The following GRAMD1C variants were observed in gnomAD, a reference collection of about 807,000 sequenced individuals.
GRAMD1C encodes protein Aster-C.
GRAMD1C carries 89 observed loss-of-function variants against 97.8 expected under a neutral mutation model. That is an observed-to-expected ratio of 0.91 (90% CI 0.77 to 1.09). The LOEUF is 1.09. GRAMD1C is among the 50% of genes least tolerant of loss of function. The pLI is 0.00. For missense variants in GRAMD1C, 740 were observed against 766.4 expected, an observed-to-expected ratio of 0.97 and a Z score of 0.41; for synonymous variants, 256 against 267.0, an observed-to-expected ratio of 0.96 and a Z score of 0.40.
chr3:113,893,131 C>T (rs1220801627), intron 6 of GRAMD1C, among the ~76,000 whole-genome samples: 1 of 152,080 alleles, frequency 6.6e-6, no homozygotes, highest in Non-Finnish European at 1.5e-5. Flanking sequence ...GACCATATGG[C>T]CCAAAAAGCC....
Position 113,946,508 on chromosome 3 carries a change from G to C in GRAMD1C, c.*1030G>C, listed in dbSNP as rs1938089413. On this transcript the variant is annotated 3_prime_UTR_variant, in exon 18 of 18. Transcript: ENST00000358160. ...GCAAGCTTTGGCTCTTTCATAAAAA[G>C]TTTTTATGCATATGTGTCTCCATAC... The C allele has an allele frequency of 1.3e-5, 2 of 152,142 alleles. No homozygotes were observed. Among genetic ancestry groups the C allele is most frequent in the Admixed American group, 1.3e-4 (2 of 15,278 alleles). 9.4% of individuals were successfully genotyped at this position (152,142 alleles called of 1,614,324 possible). A position where few individuals can be genotyped will look rare whatever the true frequency, so the allele number is the denominator to read the frequency against.
rs765734015 is a variant in GRAMD1C at position 113,933,480 on chromosome 3, CATACAAACATTT to C, written c.1210-30_1210-19del. 2 of 1,527,222 alleles carry C rather than the reference CATACAAACATTT, an allele frequency of 1.3e-6. No individual in the cohort carries two copies. The highest frequency in any genetic ancestry group is 2.3e-5 in the South Asian group (2 of 88,750). The allele number at this position is 1,527,222 out of a possible 1,614,324, so 94.6% of individuals were successfully genotyped here. On this transcript the variant is annotated intron_variant, in intron 11 of 17. Coordinates refer to ENST00000358160, the MANE Select transcript of GRAMD1C (RefSeq NM_017577.5). ...AGAAGATTCATATATTAAGCATATA[CATACAAACATTT>C]TTTATCTTACTTTGGCAGACACTGT...
At chr3:113,870,142 G>C (rs1256079472) in intron 3 of GRAMD1C, among the ~76,000 whole-genome samples, 9 of 151,898 alleles carry the variant, frequency 5.9e-5, no homozygotes, top group Non-Finnish European at 1.3e-4. Context: ...CAGGAACATT[G>C]CTTGAGCCCA....
intron 2 of GRAMD1C, among the ~76,000 whole-genome samples, chr3:113,860,356 A>G (rs956368272): frequency 6.6e-6 from 1 of 152,162 alleles, no homozygotes; most frequent in East Asian, 1.9e-4. Flanking sequence ...TGAAAACAAT[A>G]AAACTTTATT....
intron 10 of GRAMD1C, among the ~76,000 whole-genome samples, chr3:113,924,207 A>T: frequency 6.8e-6 from 1 of 146,706 alleles, no homozygotes; most frequent in African/African-American, 2.5e-5. Context: ...AATCTTATTT[A>T]TTCTTCAAAG....
chr3:113,879,130 G>C (rs1278518716), intron 5 of GRAMD1C, among the ~76,000 whole-genome samples: 3 of 152,006 alleles, frequency 2.0e-5, no homozygotes, highest in Middle Eastern at 3.4e-3. Flanking sequence ...GCTTGAACCC[G>C]GGGGGTGGAG....
intron 1 of GRAMD1C, among the ~76,000 whole-genome samples, chr3:113,830,461 G>A (rs1456161064): frequency 2.6e-5 from 4 of 152,012 alleles, no homozygotes; most frequent in African/African-American, 9.7e-5. Context: ...TTGTTAAAAG[G>A]GGAGTTCCAC....
chr3:113,859,439 A>G (rs551553032), intron 2 of GRAMD1C, among the ~76,000 whole-genome samples: 1 of 152,216 alleles, frequency 6.6e-6, no homozygotes, highest in Non-Finnish European at 1.5e-5. Context: ...CATTATAGTC[A>G]GAAAATATAC....
At chr3:113,937,093 C>T (rs1297696775) in intron 14 of GRAMD1C, among the ~76,000 whole-genome samples, 1 of 152,196 alleles carries the variant, frequency 6.6e-6, no homozygotes, top group Non-Finnish European at 1.5e-5. Flanking sequence ...GAGTGTACTG[C>T]TCTCTTAATC....
chr3:113,845,877 A>G (rs1433553051), intron 2 of GRAMD1C, among the ~76,000 whole-genome samples: 1 of 151,682 alleles, frequency 6.6e-6, no homozygotes, highest in Non-Finnish European at 1.5e-5. Context: ...GTTCATTGGA[A>G]TCTTAACAGT....
At chr3:113,853,868 G>T (rs920390300) in intron 2 of GRAMD1C, among the ~76,000 whole-genome samples, 1 of 152,172 alleles carries the variant, frequency 6.6e-6, no homozygotes, top group African/African-American at 2.4e-5. Flanking sequence ...AGGCTTAAAT[G>T]ATGGGGGCGG....
At chr3:113,929,198 A>G (rs1452054130) in intron 10 of GRAMD1C, among the ~76,000 whole-genome samples, 3 of 152,238 alleles carry the variant, frequency 2.0e-5, no homozygotes, top group African/African-American at 7.2e-5. Flanking sequence ...TTATTACATC[A>G]AAGGATTTTT....
intron 2 of GRAMD1C, chr3:113,845,027 C>T (rs950518270): frequency 3.8e-5 from 6 of 159,570 alleles, no homozygotes; most frequent in African/African-American, 7.2e-5. Flanking sequence ...CATTCCTGTA[C>T]GTAAAGGAAG....
chr3:113,885,228 G>A (rs889832170), intron 6 of GRAMD1C: 9 of 909,822 alleles, frequency 9.9e-6, no homozygotes, highest in South Asian at 7.3e-5. Flanking sequence ...TTCGGCGGGG[G>A]TTGCCCCCGG....
Position 113,938,083 on chromosome 3 carries a change from C to CAGG in GRAMD1C, c.1634-1_1635dup. The CAGG allele has an allele frequency of 6.8e-7, 1 of 1,463,416 alleles. No homozygotes were observed. The highest frequency in any genetic ancestry group is 9.4e-7 in the Non-Finnish European group (1 of 1,063,354). 90.7% of individuals were successfully genotyped at this position (1,463,416 alleles called of 1,614,324 possible). On this transcript the variant is annotated splice_polypyrimidine_tract_variant and splice_region_variant and intron_variant, in intron 14 of 17. Transcript: ENST00000358160. ...AATGCAGCCTTTTTCTTGTGATCTA[C>CAGG]AGGAAAGAAAAAGGAAATGGAAAAC...
intron 9 of GRAMD1C, chr3:113,913,254 G>A: frequency 2.3e-6 from 1 of 438,922 alleles, no homozygotes; most frequent in South Asian, 1.9e-5. Context: ...GCTGGATGTG[G>A]TGGCGCGCGC....
In GRAMD1C at chr3:113,904,249, T is replaced by C; in HGVS notation, c.766T>C (p.Phe256Leu). The change falls in exon 8 of 18, where the codon TTC (phenylalanine) becomes CTC (leucine). Residue 256 changes from phenylalanine (F) to leucine (L), a missense_variant. Phe to Leu is a conservative substitution (Grantham distance 22, BLOSUM62 0). Coordinates refer to ENST00000358160, the MANE Select transcript of GRAMD1C (RefSeq NM_017577.5). ...SISRVSETES[F>L]DGNSSKGGLG... ...TAGTCGGGTTTCAGAAACAGAGTCA[T>C]TCGATGGAAATTCATCAAAAGGAGT... 1 of 1,606,816 alleles carries C rather than the reference T, an allele frequency of 6.2e-7. No individual in the cohort carries two copies. Among genetic ancestry groups the C allele is most frequent in the South Asian group, 1.1e-5 (1 of 90,924 alleles).
upstream of GRAMD1C, among the ~76,000 whole-genome samples, chr3:113,835,100 A>C (rs1311188493): frequency 6.6e-6 from 1 of 152,012 alleles, no homozygotes; most frequent in Non-Finnish European, 1.5e-5. Context: ...TAATCTCCTA[A>C]TTAAGCATTC....
At chr3:113,891,482 ACT>A (rs1935722011) in intron 6 of GRAMD1C, among the ~76,000 whole-genome samples, 1 of 151,784 alleles carries the variant, frequency 6.6e-6, no homozygotes, top group South Asian at 2.1e-4. Flanking sequence ...CTTGTGTAAT[ACT>A]CTTAAAAAAA....
Sources: allele counts gnomAD v4.1 joint callset (sites outside exome capture counted in the v4.1 genomes callset), GRCh38; gene constraint gnomAD v4.1.1; transcripts MANE v1.5; gene names NCBI Gene and HGNC (gene_info 2026-07-23, HGNC 2026-07-21).